MAML3: variants seen among roughly 807,000 people sequenced by gnomAD.
The protein encoded by MAML3 is mastermind-like protein 3.
In MAML3, 27 loss-of-function variants were observed where a neutral mutation model predicts 101.9. The ratio of observed to expected loss-of-function variants is 0.27; its 90% CI spans 0.20 to 0.37. MAML3 has a LOEUF of 0.37. Among genes scored for constraint, MAML3 ranks in the 10% least tolerant of loss-of-function variants. MAML3 has a pLI of 1.00. For missense variants in MAML3, 1,316 were observed against 1,444.9 expected (o/e 0.91, Z 1.45); for synonymous variants, 501 against 555.9 (o/e 0.90, Z 1.39).
Position 140,102,753 on chromosome 4 carries a change from G to T in MAML3, c.468+50107C>A, listed in dbSNP as rs1000777647. ...GCCAGGGTAGACACCCTGGCTCCCT[G>T]CCATTATCTGTGGTCCCCCTGATTA... On this transcript the variant is annotated intron_variant, in intron 1 of 4. Transcript: ENST00000509479. Among the ~76,000 whole-genome samples, 7 of 152,182 alleles carry T rather than the reference G, an allele frequency of 4.6e-5. 1 individual carries two copies. Among genetic ancestry groups the T allele is most frequent in the Admixed American group, 4.6e-4 (7 of 15,286 alleles).
intron 2 of MAML3, chr4:139,731,490 C>CACCTGTAAT (rs1728718534): frequency 7.0e-6 from 1 of 143,058 alleles, no homozygotes; most frequent in Admixed American, 7.8e-5. Context: ...TGGTGGTGGG[C>CACCTGTAAT]ACCTGTAATC....
At chr4:139,883,998 C>T (rs1421956656) in intron 2 of MAML3, among the ~76,000 whole-genome samples, 1 of 149,306 alleles carries the variant, frequency 6.7e-6, no homozygotes, top group East Asian at 2.0e-4. Flanking sequence ...TCTCCTGCCT[C>T]AGACTCCCAA....
At chr4:139,866,153 C>T (rs1731896908) in intron 2 of MAML3, among the ~76,000 whole-genome samples, 4 of 152,220 alleles carry the variant, frequency 2.6e-5, no homozygotes, top group African/African-American at 9.6e-5. Flanking sequence ...CTGGCCTTCC[C>T]AGTGGCCACG....
chr4:139,842,918 T>G (rs533284079), intron 2 of MAML3, among the ~76,000 whole-genome samples: 14 of 151,718 alleles, frequency 9.2e-5, no homozygotes, highest in African/African-American at 3.4e-4. Flanking sequence ...GCTGGAATTA[T>G]AGGTGTGTGC....
intron 1 of MAML3, among the ~76,000 whole-genome samples, chr4:140,041,375 G>A (rs748237299): frequency 1.7e-4 from 26 of 152,180 alleles, no homozygotes; most frequent in Non-Finnish European, 2.9e-4. Flanking sequence ...TGTAATACCA[G>A]CAGTTTGAGA....
At chr4:139,954,951 G>T (rs1033979478) in intron 1 of MAML3, among the ~76,000 whole-genome samples, 1 of 151,878 alleles carries the variant, frequency 6.6e-6, no homozygotes, top group Non-Finnish European at 1.5e-5. Flanking sequence ...TAAAAGAAGC[G>T]ATAATGATAA....
chr4:139,897,221 C>T (rs1732631597), intron 1 of MAML3, among the ~76,000 whole-genome samples: 1 of 152,230 alleles, frequency 6.6e-6, no homozygotes, highest in African/African-American at 2.4e-5. Context: ...TATTCCTTCT[C>T]TCCTGCTCCC....
intron 2 of MAML3, among the ~76,000 whole-genome samples, chr4:139,792,478 C>A (rs1348214907): frequency 8.5e-5 from 13 of 152,258 alleles, no homozygotes; most frequent in African/African-American, 3.1e-4. Flanking sequence ...ATATATCTCA[C>A]AATTAAACAA....
At chr4:139,814,316 T>G (rs1282171738) in intron 2 of MAML3, among the ~76,000 whole-genome samples, 1 of 152,182 alleles carries the variant, frequency 6.6e-6, no homozygotes, top group African/African-American at 2.4e-5. Context: ...CGATGATGCT[T>G]CCTATCATAT....
chr4:140,056,802 C>G (rs1727356744), intron 1 of MAML3, among the ~76,000 whole-genome samples: 1 of 143,308 alleles, frequency 7.0e-6, no homozygotes, highest in Non-Finnish European at 1.6e-5. Flanking sequence ...CAGAGCAAGA[C>G]TCTGTCTCAA....
intron 2 of MAML3, among the ~76,000 whole-genome samples, chr4:139,861,165 C>T (rs556490756): frequency 2.6e-5 from 4 of 152,262 alleles, no homozygotes; most frequent in African/African-American, 4.8e-5. Flanking sequence ...CCTGAGACCT[C>T]GGGATCTCAC....
intron 1 of MAML3, among the ~76,000 whole-genome samples, chr4:140,072,902 G>A (rs1350573262): frequency 6.6e-6 from 1 of 152,006 alleles, no homozygotes; most frequent in Non-Finnish European, 1.5e-5. Flanking sequence ...ACTTCTTCTG[G>A]GCTAACACAG....
At chr4:139,836,925 C>A (rs551670549) in intron 2 of MAML3, among the ~76,000 whole-genome samples, 7 of 150,896 alleles carry the variant, frequency 4.6e-5, no homozygotes, top group Non-Finnish European at 8.9e-5. Context: ...GAGTTTGAGA[C>A]CAGCCTAACC....
At chr4:139,768,222 TTGTGTGTGTGTGTGTGTGTG>T (rs34182828) in intron 2 of MAML3, among the ~76,000 whole-genome samples, 7 of 136,344 alleles carry the variant, frequency 5.1e-5, no homozygotes, top group South Asian at 2.6e-4. Flanking sequence ...CTGTTGATAG[TTGTGTGTGTGTGTGTGTGTG>T]TGTGTGTGTG....
At chr4:140,038,354 A>T (rs566553368) in intron 1 of MAML3, among the ~76,000 whole-genome samples, 1 of 152,218 alleles carries the variant, frequency 6.6e-6, no homozygotes, top group African/African-American at 2.4e-5. Context: ...TGTGGCTCCA[A>T]AGAAAAATAT....
intron 2 of MAML3, chr4:139,730,949 G>T (rs1490366636): frequency 6.8e-6 from 3 of 442,992 alleles, no homozygotes; most frequent in Non-Finnish European, 8.2e-6. Flanking sequence ...ATATAGACTG[G>T]ATTTTCAACT....
At chr4:139,911,702 G>T (rs1162689964) in intron 1 of MAML3, among the ~76,000 whole-genome samples, 1 of 152,142 alleles carries the variant, frequency 6.6e-6, no homozygotes, top group Non-Finnish European at 1.5e-5. Flanking sequence ...ATGAAAGGTA[G>T]TGCCCTTATA....
intron 1 of MAML3, among the ~76,000 whole-genome samples, chr4:140,047,752 G>A (rs539727492): frequency 2.3e-5 from 3 of 129,520 alleles, no homozygotes; most frequent in Non-Finnish European, 4.6e-5. Flanking sequence ...GAAGATGGAC[G>A]CGCTGCTCAG....
intron 2 of MAML3, among the ~76,000 whole-genome samples, chr4:139,865,240 G>A (rs970396570): frequency 6.6e-6 from 1 of 152,044 alleles, no homozygotes; most frequent in African/African-American, 2.4e-5. Context: ...TCTCCTTGGA[G>A]AATCAAAATT....
Sources: allele counts gnomAD v4.1 joint callset (sites outside exome capture counted in the v4.1 genomes callset), GRCh38; gene constraint gnomAD v4.1.1; transcripts MANE v1.5; gene names NCBI Gene and HGNC (gene_info 2026-07-23, HGNC 2026-07-21).